Variants in EYS observed in about 807,000 individuals in gnomAD.
The protein encoded by EYS is EGF-like photoreceptor maintenance factor, also known as protein eyes shut homolog.
In EYS, 250 loss-of-function variants were observed where a neutral mutation model predicts 282.1. The observed-to-expected ratio is 0.89, with a 90% CI of 0.80 to 0.98. The LOEUF (loss-of-function observed/expected upper bound fraction) is 0.98. EYS is among the 50% of genes least tolerant of loss of function. The pLI is 0.00. For synonymous variants in EYS, 1,355 were observed against 1,282.9 expected, an observed-to-expected ratio of 1.06 and a Z score of -1.20; for missense variants, 4,016 against 3,709.0, an observed-to-expected ratio of 1.08 and a Z score of -2.15.
chr6:64,045,893 T>C (rs1770599926), intron 33 of EYS, among the ~76,000 whole-genome samples: 1 of 134,502 alleles, frequency 7.4e-6, no homozygotes, highest in Non-Finnish European at 1.6e-5. Context: ...ATATATGTAA[T>C]ATATAATACA....
At chr6:64,906,326 T>C (rs1003411919) in intron 16 of EYS, among the ~76,000 whole-genome samples, 5 of 152,046 alleles carry the variant, frequency 3.3e-5, no homozygotes, top group Non-Finnish European at 7.4e-5. Context: ...ATTTAACATG[T>C]TTTATGTTTA....
At chr6:64,206,158 T>G (rs1343292567) in intron 31 of EYS, among the ~76,000 whole-genome samples, 1 of 152,150 alleles carries the variant, frequency 6.6e-6, no homozygotes, top group Non-Finnish European at 1.5e-5. Context: ...AAACTAAAAA[T>G]TATAAAAATA....
intron 22 of EYS, among the ~76,000 whole-genome samples, chr6:64,645,189 TAAGC>T (rs1768305148): frequency 6.6e-6 from 1 of 152,178 alleles, no homozygotes; most frequent in Non-Finnish European, 1.5e-5. Flanking sequence ...GGCTGAACAC[TAAGC>T]AATTGGGAGA....
chr6:64,304,210 T>C (rs1306902154), intron 30 of EYS, among the ~76,000 whole-genome samples: 1 of 152,188 alleles, frequency 6.6e-6, no homozygotes, highest in Non-Finnish European at 1.5e-5. Context: ...CTGTACATCT[T>C]TCATCTGTCA....
At chr6:65,097,896 G>A (rs574467717) in intron 12 of EYS, among the ~76,000 whole-genome samples, 1 of 150,862 alleles carries the variant, frequency 6.6e-6, no homozygotes, top group South Asian at 2.1e-4. Flanking sequence ...GTTATACAAG[G>A]TGAATGATTT....
At chr6:64,784,820 G>C (rs1009987660) in intron 22 of EYS, among the ~76,000 whole-genome samples, 5 of 152,040 alleles carry the variant, frequency 3.3e-5, no homozygotes, top group African/African-American at 1.2e-4. Flanking sequence ...CTTAATATCA[G>C]TATTGCTTTG....
In EYS at chr6:64,196,954, G is replaced by A. The variant is rs536985175; in HGVS notation, c.6424+33638C>T. Among the ~76,000 whole-genome samples, 14 of 150,966 alleles carry A rather than the reference G, an allele frequency of 9.3e-5. No homozygotes were observed. The South Asian group carries it at 2.9e-3, about 32-fold the overall frequency. On this transcript the variant is annotated intron_variant, in intron 31 of 42. Coordinates refer to ENST00000503581, the MANE Select transcript of EYS (RefSeq NM_001142800.2). The stretch of plus-strand genomic sequence containing the variant: ...TAAGAATATTATTGTATTTTTCGTG[G>A]CTCCTGTTTGTCTTTACTAGTGGCA...
chr6:63,887,302 G>A (rs1021462816), intron 35 of EYS, among the ~76,000 whole-genome samples: 1 of 142,068 alleles, frequency 7.0e-6, no homozygotes, highest in Non-Finnish European at 1.5e-5. Context: ...AGAGGAAAGA[G>A]GAATAAAAGG....
intron 24 of EYS, among the ~76,000 whole-genome samples, chr6:64,606,122 A>C (rs1308092583): frequency 6.6e-6 from 1 of 151,940 alleles, no homozygotes; most frequent in African/African-American, 2.4e-5. Context: ...TGAGTTTCTT[A>C]GGATAAAAAA....
At chr6:65,397,454 T>C (rs1766323897) in intron 7 of EYS, among the ~76,000 whole-genome samples, 2 of 152,066 alleles carry the variant, frequency 1.3e-5, no homozygotes, top group Non-Finnish European at 2.9e-5. Context: ...TTTCCACTTA[T>C]AAGTGAAAAG....
At chr6:64,036,308 T>C (rs1344167708) in intron 33 of EYS, among the ~76,000 whole-genome samples, 1 of 152,190 alleles carries the variant, frequency 6.6e-6, no homozygotes, top group Non-Finnish European at 1.5e-5. Context: ...TGAGAGCTAA[T>C]GCAGGAGCTA....
At chr6:64,762,587 T>A (rs538179619) in intron 22 of EYS, among the ~76,000 whole-genome samples, 1 of 152,276 alleles carries the variant, frequency 6.6e-6, no homozygotes, top group South Asian at 2.1e-4. Context: ...ATTTCTTGCT[T>A]TCTCCACACA....
intron 26 of EYS, among the ~76,000 whole-genome samples, chr6:64,541,387 G>T (rs1764691290): frequency 6.6e-6 from 1 of 152,164 alleles, no homozygotes; most frequent in South Asian, 2.1e-4. Flanking sequence ...CAGTCAAAAT[G>T]ATAATCTTGA....
intron 12 of EYS, among the ~76,000 whole-genome samples, chr6:65,229,051 A>C (rs685335): frequency 0.33 from 50,398 of 151,806 alleles, 9,612 homozygotes; most frequent in African/African-American, 0.52. Flanking sequence ...TAAGGAAAGA[A>C]GATTCTTGAG....
intron 7 of EYS, among the ~76,000 whole-genome samples, chr6:65,399,620 T>C (rs966643496): frequency 6.6e-6 from 1 of 152,048 alleles, no homozygotes; most frequent in Non-Finnish European, 1.5e-5. Flanking sequence ...GCAATAAAAC[T>C]ACTTGTATGG....
chr6:64,403,955 G>A (rs1352591212), intron 28 of EYS, among the ~76,000 whole-genome samples: 2 of 152,140 alleles, frequency 1.3e-5, no homozygotes, highest in Non-Finnish European at 2.9e-5. Flanking sequence ...AGCCCACTGG[G>A]TGGCTGAGAT....
Position 64,085,340 on chromosome 6 carries a change from G to GCACACACACACACACA in EYS, c.6425-3354_6425-3339dup, listed in dbSNP as rs71551560. Among the ~76,000 whole-genome samples the GCACACACACACACACA allele has an allele frequency of 3.2e-3, 448 of 139,852 alleles. 2 individuals are homozygous for GCACACACACACACACA. Among genetic ancestry groups the GCACACACACACACACA allele is most frequent in the African/African-American group, 0.011 (408 of 35,730 alleles). The allele number at this position is 139,852 out of a possible 152,430, so 91.7% of individuals were successfully genotyped here. ...CGCGCGCGCGTGCGCACGTGCGCGC[G>GCACACACACACACACA]CACACACACACACACACACACACAC... On this transcript the variant is annotated intron_variant, in intron 31 of 42. Transcript: ENST00000503581.
chr6:64,255,673 TTAAA>T (rs1331601609), intron 30 of EYS, among the ~76,000 whole-genome samples: 1 of 152,052 alleles, frequency 6.6e-6, no homozygotes, highest in East Asian at 1.9e-4. Context: ...ATCATATGAC[TTAAA>T]TAACCAAGTG....
At chr6:64,102,265 A>G (rs1772856107) in intron 31 of EYS, among the ~76,000 whole-genome samples, 2 of 152,218 alleles carry the variant, frequency 1.3e-5, no homozygotes, top group African/African-American at 4.8e-5. Context: ...GGTAAAATAC[A>G]TAGAAAATTG....
Sources: gnomAD v4.1 joint callset for allele counts (sites outside exome capture counted in the v4.1 genomes callset) on GRCh38, gnomAD v4.1.1 for gene constraint, MANE v1.5 for transcripts, NCBI Gene and HGNC (gene_info 2026-07-23, HGNC 2026-07-21) for gene names.